DTHD1: variants seen among roughly 807,000 people sequenced by gnomAD.
DTHD1 encodes death domain containing 1.
Under a neutral mutation model 74.8 loss-of-function variants are expected in DTHD1, and 59 were observed. That is an observed-to-expected ratio of 0.79 (90% CI 0.64 to 0.98). The LOEUF (loss-of-function observed/expected upper bound fraction) is 0.98. DTHD1 is among the 50% of genes least tolerant of loss of function. The pLI is 0.00. For synonymous variants in DTHD1, 365 were observed against 371.1 expected (o/e 0.98, Z 0.19); for missense variants, 1,051 against 1,065.4 (o/e 0.99, Z 0.19).
At chr4:36,301,660 C>T (rs897436102) in intron 5 of DTHD1, among the ~76,000 whole-genome samples, 1 of 152,014 alleles carries the variant, frequency 6.6e-6, no homozygotes, top group African/African-American at 2.4e-5. Context: ...TTACCTGTAC[C>T]CCAAAGAGTC....
At chr4:36,319,565 C>T (rs903892133) in intron 8 of DTHD1, among the ~76,000 whole-genome samples, 1 of 152,126 alleles carries the variant, frequency 6.6e-6, no homozygotes, top group Non-Finnish European at 1.5e-5. Context: ...GGAGACAAGC[C>T]AGTGGTGGTT....
At chr4:36,333,559 A>C (rs1560818385) in intron 8 of DTHD1, 1 of 152,206 alleles carries the variant, frequency 6.6e-6, no homozygotes, top group Non-Finnish European at 1.5e-5. Context: ...GAAGCAGGAG[A>C]GACCAAGAGC....
intron 8 of DTHD1, among the ~76,000 whole-genome samples, chr4:36,328,239 C>A (rs1758461728): frequency 1.3e-5 from 2 of 152,220 alleles, no homozygotes; most frequent in Admixed American, 6.5e-5. Context: ...TTGCTCTAAA[C>A]TCTGTTCTTA....
intron 8 of DTHD1, 24 bp downstream of exon 8, chr4:36,316,510 T>C (rs995960236): frequency 6.5e-7 from 1 of 1,531,428 alleles, no homozygotes. Context: ...CTTTTCTAAT[T>C]ACTACATTTT....
At chr4:36,287,504 T>C (rs974987473) in intron 2 of DTHD1, among the ~76,000 whole-genome samples, 7 of 152,254 alleles carry the variant, frequency 4.6e-5, no homozygotes, top group African/African-American at 1.4e-4. Context: ...AGATACCCAG[T>C]AGTGGGATCG....
chr4:36,310,045 G>A (rs1016164841), intron 7 of DTHD1, among the ~76,000 whole-genome samples: 1 of 152,068 alleles, frequency 6.6e-6, no homozygotes, highest in African/African-American at 2.4e-5. Context: ...TCTTTTTTGT[G>A]GCTGCATGGT....
intron 6 of DTHD1, among the ~76,000 whole-genome samples, 162 bp from the exon 7 acceptor site, chr4:36,308,042 G>A (rs1578459057): frequency 6.6e-6 from 1 of 152,160 alleles, no homozygotes; most frequent in South Asian, 2.1e-4. Context: ...ATGGCCAAGA[G>A]TTTCTTTACA....
At chr4:36,312,875 A>C (rs533149801) in intron 7 of DTHD1, among the ~76,000 whole-genome samples, 3 of 152,342 alleles carry the variant, frequency 2.0e-5, no homozygotes, top group Non-Finnish European at 4.4e-5. Context: ...GATCAGAGTT[A>C]GATTATAACT....
Position 36,343,975 on chromosome 4 carries a change from C to T in DTHD1, c.*151C>T. ...TAATGATGTGAGACAAAGGGAGAAG[C>T]ACGGATCAGATAATAGAAAGCATTC... On this transcript the variant is annotated 3_prime_UTR_variant, in exon 10 of 10. Coordinates refer to ENST00000639862, the MANE Select transcript of DTHD1 (RefSeq NM_001170700.3). 2.6e-6 allele frequency: 2 copies of T among 761,918 alleles called. No homozygotes were observed. Among genetic ancestry groups the T allele is most frequent in the Non-Finnish European group, 4.1e-6 (2 of 487,226 alleles). 47.2% of individuals were successfully genotyped at this position (761,918 alleles called of 1,614,324 possible).
intron 8 of DTHD1, among the ~76,000 whole-genome samples, chr4:36,326,353 A>G (rs1758343313): frequency 6.7e-6 from 1 of 150,342 alleles, no homozygotes; most frequent in Non-Finnish European, 1.5e-5. Flanking sequence ...AATGATGAAT[A>G]CCTACTAAAT....
Position 36,346,243 on chromosome 4 carries a change from G to C in DTHD1, c.*2419G>C, listed in dbSNP as rs1252648194. The stretch of plus-strand genomic sequence containing the variant: ...TAATATGCCTCCCCCACAGACACAT[G>C]CACACACACACACGACATCTCACTT... On this transcript the variant is annotated 3_prime_UTR_variant, in exon 10 of 10. Coordinates refer to ENST00000639862, the MANE Select transcript of DTHD1 (RefSeq NM_001170700.3). Among the ~76,000 whole-genome samples, 1 of 150,638 alleles carries C rather than the reference G, an allele frequency of 6.6e-6. No homozygotes were observed.
intron 6 of DTHD1, 30 bp from the exon 7 acceptor site, chr4:36,308,174 C>A: frequency 1.3e-6 from 2 of 1,536,924 alleles, no homozygotes; most frequent in Non-Finnish European, 1.8e-6. Context: ...TGCATTTTTC[C>A]CTGGGGTCTC....
intron 9 of DTHD1, among the ~76,000 whole-genome samples, chr4:36,341,734 G>C (rs79604138): frequency 6.6e-6 from 1 of 152,130 alleles, no homozygotes; most frequent in Non-Finnish European, 1.5e-5. Flanking sequence ...AGCTAAAAAA[G>C]ACAACATATT....
intron 9 of DTHD1, among the ~76,000 whole-genome samples, chr4:36,339,767 C>T (rs760170530): frequency 2.0e-5 from 3 of 152,172 alleles, no homozygotes; most frequent in Non-Finnish European, 4.4e-5. Flanking sequence ...GATATTCTTA[C>T]TAGTGCATCA....
chr4:36,306,314 C>T lies in DTHD1; in HGVS notation c.1767C>T (p.Ser589=), dbSNP rs188954144. The T allele has an allele frequency of 3.0e-5, 47 of 1,551,198 alleles. No individual in the cohort carries two copies. The East Asian group carries it at 5.9e-4, about 19-fold the overall frequency. ...ATGATGTTGTGAAAACCATACAGAG[C>T]GGCTTGGTATCAGTTGAATTGTATG... is the stretch of plus-strand genomic sequence containing the variant. ...GLDDVVKTIQ[S]GLVSVELYEH... is the part of the protein sequence containing the mutation. The change falls in exon 6 of 10, where the codon AGC becomes AGT. Residue 589 remains serine, a synonymous_variant. Coordinates refer to ENST00000639862, the MANE Select transcript of DTHD1 (RefSeq NM_001170700.3).
In DTHD1 at chr4:36,314,743, C is replaced by T. The variant is rs1385692481; in HGVS notation, c.2096-1499C>T. ...TCGTCTTGACATTTCTTTAAACAAT[C>T]TGAGTTTTTTTTTTTTTTTTTTTTT... On this transcript the variant is annotated intron_variant, in intron 7 of 9. Coordinates refer to ENST00000639862, the MANE Select transcript of DTHD1 (RefSeq NM_001170700.3). 5.5e-5 allele frequency among the ~76,000 whole-genome samples: 7 copies of T among 127,204 alleles called. No individual in the cohort carries two copies. In the East Asian group the frequency reaches 6.5e-4, roughly 12 times the overall value. 83.5% of individuals were successfully genotyped at this position (127,204 alleles called of 152,430 possible).
intron 8 of DTHD1, among the ~76,000 whole-genome samples, chr4:36,324,839 A>G (rs139336648): frequency 6.6e-6 from 1 of 152,362 alleles, no homozygotes; most frequent in East Asian, 1.9e-4. Context: ...AATGAATAGT[A>G]AGATGTTAAA....
chr4:36,288,500 G>A (rs1755852884), intron 2 of DTHD1, among the ~76,000 whole-genome samples: 1 of 152,198 alleles, frequency 6.6e-6, no homozygotes, highest in Non-Finnish European at 1.5e-5. Flanking sequence ...GAGAAACGAG[G>A]ATGCAGTTTC....
intron 8 of DTHD1, among the ~76,000 whole-genome samples, chr4:36,335,529 T>C (rs1353797816): frequency 6.6e-6 from 1 of 152,144 alleles, no homozygotes; most frequent in Non-Finnish European, 1.5e-5. Flanking sequence ...ACCCAACCAA[T>C]AAAATATTTT....
Sources: allele counts gnomAD v4.1 joint callset (sites outside exome capture counted in the v4.1 genomes callset), GRCh38; gene constraint gnomAD v4.1.1; transcripts MANE v1.5; gene names NCBI Gene and HGNC (gene_info 2026-07-23, HGNC 2026-07-21).